Variants in SNX25 observed in about 807,000 individuals in gnomAD.
SNX25 encodes sorting nexin 25, also known as sorting nexin-25.
Under a neutral mutation model 113.7 loss-of-function variants are expected in SNX25, and 62 were observed. The ratio of observed to expected loss-of-function variants is 0.55; its 90% confidence interval spans 0.44 to 0.67. SNX25 has a LOEUF of 0.67. SNX25 is among the 30% of genes least tolerant of loss of function. The pLI, the probability that SNX25 is intolerant of heterozygous loss-of-function variation, is 0.00. For missense variants in SNX25, 1,014 were observed against 1,161.0 expected, an observed-to-expected ratio of 0.87 and a Z score of 1.84; for synonymous variants, 421 against 436.2, an observed-to-expected ratio of 0.97 and a Z score of 0.43.
At chr4:185,308,047 C>T (rs1025327003) in intron 6 of SNX25, among the ~76,000 whole-genome samples, 2 of 152,216 alleles carry the variant, frequency 1.3e-5, no homozygotes, top group Non-Finnish European at 2.9e-5. Context: ...GTGGGGGCCA[C>T]CACGCCGGGC....
chr4:185,265,355 TA>T (rs1230227590), intron 4 of SNX25, among the ~76,000 whole-genome samples: 2 of 152,200 alleles, frequency 1.3e-5, no homozygotes, highest in African/African-American at 4.8e-5. Flanking sequence ...TCCTAGACTA[TA>T]AACCTTATAC....
At chr4:185,371,469 A>G (rs539114547), downstream of SNX25, among the ~76,000 whole-genome samples, 142 of 148,392 alleles carry the variant, frequency 9.6e-4, 1 homozygote, top group African/African-American at 2.6e-3. Context: ...GTGAACCCGG[A>G]AGGCAGAGCT....
At chr4:185,365,581 C>G (rs2095384337), downstream of SNX25, 1 of 151,640 alleles carries the variant, frequency 6.6e-6, no homozygotes, top group Non-Finnish European at 1.5e-5. Context: ...GTCTCAAACT[C>G]CTGACCTCAT....
At chr4:185,331,343 C>A (rs770149072) in intron 9 of SNX25, among the ~76,000 whole-genome samples, 1 of 152,122 alleles carries the variant, frequency 6.6e-6, no homozygotes, top group Non-Finnish European at 1.5e-5. Flanking sequence ...ACAATGCTGA[C>A]GTAAAAATGA....
chr4:185,206,660 C>CAA (rs375061067), upstream of SNX25, among the ~76,000 whole-genome samples: 375 of 77,320 alleles, frequency 4.8e-3, 8 homozygotes, highest in African/African-American at 0.016. Flanking sequence ...ACTCTTGTCT[C>CAA]AAAAAAAAAA....
intron 2 of SNX25, among the ~76,000 whole-genome samples, chr4:185,248,617 C>CA (rs1274576685): frequency 6.6e-6 from 1 of 152,042 alleles, no homozygotes; most frequent in Non-Finnish European, 1.5e-5. Context: ...TGCACCACCG[C>CA]ACTCCAGCCT....
At chr4:185,367,366 A>G, downstream of SNX25, 1 of 828,340 alleles carries the variant, frequency 1.2e-6, no homozygotes, top group Non-Finnish European at 1.9e-6. Flanking sequence ...ATTTCAAGAA[A>G]ATTTGTTAAG....
Position 185,210,081 on chromosome 4 carries a change from G to A in SNX25, c.255G>A (p.Ala85=). The part of the protein sequence containing the change: ...GPGSGEAAGA[A]GLSSVLFRLS... ...GCAGCGGGGAGGCGGCGGGGGCCGC[G>A]GGGCTGAGCTCCGTCCTGTTCAGGC... The change falls in exon 1 of 19, where the codon GCG becomes GCA. Residue 85 remains alanine (A), a synonymous_variant. Coordinates refer to ENST00000652585, the MANE Select transcript of SNX25 (RefSeq NM_001378034.2). The surrounding 1 kb of genome is among the most constrained non-coding windows in gnomAD (Gnocchi z 4.4). The A allele has an allele frequency of 1.0e-6, 1 of 984,200 alleles. No homozygotes were observed. The highest frequency in any genetic ancestry group is 1.7e-5 in the African/African-American group (1 of 57,198). 61.0% of individuals were successfully genotyped at this position (984,200 alleles called of 1,614,324 possible).
At position 185,247,378 on chromosome 4, in the gene SNX25, G is replaced by A. The variant is rs1278542265; in HGVS notation, c.514G>A (p.Val172Met). Residue 172 changes from valine to methionine, a missense_variant and splice_region_variant, in exon 2 of 19, where the codon GTG becomes ATG. Transcript: ENST00000652585. The part of the protein sequence containing the change: ...SHNMDKALKE[V>M]FDYSYRDYIL... ...TAATATGGATAAAGCTCTGAAAGAAGGTAAGGATTAAATGAGAGTATATAA... is the reference window on the plus strand; with the variant it reads ...TAATATGGATAAAGCTCTGAAAGAAAGTAAGGATTAAATGAGAGTATATAA... 1 of 1,582,998 alleles carries A rather than the reference G, an allele frequency of 6.3e-7. No individual in the cohort carries two copies. Among genetic ancestry groups the A allele is most frequent in the Non-Finnish European group, 8.7e-7 (1 of 1,152,438 alleles).
chr4:185,232,114 AC>A lies in SNX25; in HGVS notation c.430-15177del, dbSNP rs1470255497. 1.3e-5 allele frequency among the ~76,000 whole-genome samples: 2 copies of A among 152,124 alleles called. No homozygotes were observed. The highest frequency in any genetic ancestry group is 2.9e-5 in the Non-Finnish European group (2 of 68,028). ...GCTAGTTAATGTGAAAAACACACTC[AC>A]CCGTCTAAACCCAAAGAATGGACTC... On this transcript the variant is annotated intron_variant, in intron 1 of 18. Coordinates refer to ENST00000652585, the MANE Select transcript of SNX25 (RefSeq NM_001378034.2). The surrounding 1 kb of genome is among the most constrained non-coding windows in gnomAD (Gnocchi z 4.4).
intron 16 of SNX25, among the ~76,000 whole-genome samples, chr4:185,358,662 CT>C (rs2095349466): frequency 6.6e-6 from 1 of 152,230 alleles, no homozygotes; most frequent in Non-Finnish European, 1.5e-5. Context: ...ACCTGGCCCC[CT>C]GGTCTGGTGC....
intron 10 of SNX25, among the ~76,000 whole-genome samples, chr4:185,337,585 T>A (rs1279875743): frequency 6.6e-6 from 1 of 152,234 alleles, no homozygotes; most frequent in Non-Finnish European, 1.5e-5. Context: ...AAAAAGATCT[T>A]GCTTCCAATT....
chr4:185,297,306 A>T lies in SNX25; in HGVS notation c.1162+9224A>T, dbSNP rs79221332. On this transcript the variant is annotated intron_variant, in intron 6 of 18. Transcript: ENST00000652585. ...TGCCATATTGGATAGTGCATTATGAATATTTCCATCATTACAGAGGTTATG... is the reference window on the plus strand; with the variant it reads ...TGCCATATTGGATAGTGCATTATGATTATTTCCATCATTACAGAGGTTATG... Among the ~76,000 whole-genome samples, 940 of 152,288 alleles carry T rather than the reference A, an allele frequency of 6.2e-3. 15 individuals are homozygous for T. The highest frequency in any genetic ancestry group is 0.05 in the South Asian group (239 of 4,826).
chr4:185,363,494 G>A lies in SNX25; in HGVS notation c.*29G>A. On this transcript the variant is annotated 3_prime_UTR_variant, in exon 19 of 19. Transcript: ENST00000652585. The surrounding 1 kb of genome is among the most constrained non-coding windows in gnomAD (Gnocchi z 4.2). ...TACACAAATAAACCACCAGAAAAAT[G>A]TCTGTGTAATAATAGACATGAAACA... 2.5e-6 allele frequency: 4 copies of A among 1,600,438 alleles called. No homozygotes were observed. Among genetic ancestry groups the A allele is most frequent in the Non-Finnish European group, 3.4e-6 (4 of 1,167,784 alleles).
upstream of SNX25, among the ~76,000 whole-genome samples, chr4:185,207,951 A>C (rs1383300399): frequency 6.6e-6 from 1 of 152,204 alleles, no homozygotes; most frequent in East Asian, 1.9e-4. Context: ...GTAAATGATC[A>C]AAAAACATAG....
chr4:185,246,105 G>C (rs895264286), intron 1 of SNX25, among the ~76,000 whole-genome samples: 5 of 152,014 alleles, frequency 3.3e-5, no homozygotes, highest in Non-Finnish European at 7.4e-5. Context: ...GGCCAACATG[G>C]GAAAAACCCA....
chr4:185,241,522 GAGAGGA>G (rs1744025486), intron 1 of SNX25, among the ~76,000 whole-genome samples: 1 of 56,666 alleles, frequency 1.8e-5, no homozygotes, highest in Non-Finnish European at 5.1e-5. Context: ...GAGGGAGAGG[GAGAGGA>G]GGGAGAGGGA....
chr4:185,303,284 A>G (rs1319354574), intron 6 of SNX25, among the ~76,000 whole-genome samples: 2 of 152,138 alleles, frequency 1.3e-5, no homozygotes, highest in African/African-American at 4.8e-5. Context: ...TTTAATTGCT[A>G]TATTATTCCT....
chr4:185,287,912 C>T, intron 5 of SNX25, 100 bp from the exon 6 acceptor site: 2 of 934,802 alleles, frequency 2.1e-6, no homozygotes, highest in East Asian at 2.7e-5. Flanking sequence ...TTCACAGCTC[C>T]TGTGTTACAT....
Sources: gnomAD v4.1 joint callset for allele counts (sites outside exome capture counted in the v4.1 genomes callset) on GRCh38, gnomAD v4.1.1 for gene constraint, Gnocchi (gnomAD v3.1) non-coding constraint, MANE v1.5 for transcripts, NCBI Gene and HGNC (gene_info 2026-07-23, HGNC 2026-07-21) for gene names.